The following CR2 variants were observed in gnomAD, a reference collection of about 807,000 sequenced individuals.
The protein encoded by CR2 is complement C3d receptor 2, also known as complement receptor type 2.
In CR2, 96 loss-of-function variants were observed where a neutral mutation model predicts 123.0. That is an observed-to-expected ratio of 0.78 (90% CI 0.66 to 0.93). The LOEUF is 0.93. Among genes scored for constraint, CR2 ranks in the 40% least tolerant of loss-of-function variants. The pLI, the probability that CR2 is intolerant of heterozygous loss-of-function variation, is 0.00. For synonymous variants in CR2, 484 were observed against 469.5 expected (o/e 1.03, Z -0.40); for missense variants, 1,258 against 1,361.0 (o/e 0.92, Z 1.19).
chr1:207,482,310 T>C (rs2102312899), intron 18 of CR2, among the ~76,000 whole-genome samples: 1 of 152,300 alleles, frequency 6.6e-6, no homozygotes, highest in South Asian at 2.1e-4. Context: ...CTGAATAGTC[T>C]CTTCCACTGA....
chr1:207,476,414 G>A lies in CR2; in HGVS notation c.2897G>A (p.Cys966Tyr). 1 of 1,613,094 alleles carries A rather than the reference G, an allele frequency of 6.2e-7. No homozygotes were observed. The highest frequency in any genetic ancestry group is 8.5e-7 in the Non-Finnish European group (1 of 1,179,692). Residue 966 changes from cysteine (C) to tyrosine (Y), a missense_variant, in exon 15 of 20, where the codon TGT becomes TAT. Transcript: ENST00000367057. Reference sequence around the variant, plus strand: ...ACCTGGAGCCAACCTGCCCCTCATTGTAAAGGTGCTTTGTCTATTTTTTAT... The same window carrying A: ...ACCTGGAGCCAACCTGCCCCTCATTATAAAGGTGCTTTGTCTATTTTTTAT... Reference protein sequence around the residue: ...EGTWSQPAPHCKEVNCSSPAD... With the variant: ...EGTWSQPAPHYKEVNCSSPAD...
chr1:207,475,770 T>C (rs993255434), intron 14 of CR2, among the ~76,000 whole-genome samples: 5 of 152,164 alleles, frequency 3.3e-5, no homozygotes, highest in African/African-American at 7.2e-5. Context: ...TTAAGATAAA[T>C]AGTGAGCTTG....
intron 15 of CR2, among the ~76,000 whole-genome samples, chr1:207,477,576 C>A (rs1193190074): frequency 6.6e-6 from 1 of 152,162 alleles, no homozygotes; most frequent in Non-Finnish European, 1.5e-5. Flanking sequence ...CAGAATACTT[C>A]ATAATATTAC....
chr1:207,478,914 A>C (rs985594373), intron 16 of CR2, among the ~76,000 whole-genome samples: 1 of 152,078 alleles, frequency 6.6e-6, no homozygotes, highest in Non-Finnish European at 1.5e-5. Context: ...GAGTTGCTAC[A>C]TAAGAAACAA....
At chr1:207,484,938 G>A (rs1191205243) in intron 18 of CR2, among the ~76,000 whole-genome samples, 4 of 152,124 alleles carry the variant, frequency 2.6e-5, no homozygotes, top group Admixed American at 6.5e-5. Flanking sequence ...GTCATTAAGC[G>A]TCCTGGATCC....
chr1:207,489,108 A>T (rs560300289), intron 19 of CR2, 34 bp from the exon 20 acceptor site: 1 of 152,372 alleles, frequency 6.6e-6, no homozygotes, highest in African/African-American at 2.4e-5. Flanking sequence ...GCTGCTATTC[A>T]TGCTGCCTCC....
At chr1:207,461,767 G>A (rs1010851483) in intron 1 of CR2, among the ~76,000 whole-genome samples, 2 of 152,134 alleles carry the variant, frequency 1.3e-5, no homozygotes, top group Non-Finnish European at 1.5e-5. Flanking sequence ...ATCTTCAAGT[G>A]GTCAGATGCT....
At chr1:207,459,142 A>G (rs311308) in intron 1 of CR2, among the ~76,000 whole-genome samples, 147,456 of 152,282 alleles carry the variant, frequency 0.97, 71,572 homozygotes, top group East Asian at 1. Context: ...AATAACAAGG[A>G]TGATGCCAGT....
At chr1:207,468,487 T>C (rs186581459) in intron 2 of CR2, 40 bp from the exon 3 acceptor site, 2 of 1,603,850 alleles carry the variant, frequency 1.2e-6, no homozygotes, top group African/African-American at 2.7e-5. Context: ...GAAGGATGCA[T>C]CATCTGACGG....
intron 16 of CR2, 54 bp downstream of exon 16, chr1:207,478,124 G>T (rs963052093): frequency 2.4e-5 from 37 of 1,568,994 alleles, no homozygotes; most frequent in Non-Finnish European, 3.1e-5. Flanking sequence ...AGAGAAGAGA[G>T]TGAGAGTTTC....
At chr1:207,458,437 C>T (rs576189999) in intron 1 of CR2, among the ~76,000 whole-genome samples, 11 of 152,152 alleles carry the variant, frequency 7.2e-5, no homozygotes, top group Non-Finnish European at 1.2e-4. Context: ...GGATAATATT[C>T]ACATATCTGT....
chr1:207,474,380 C>A (rs961166220), intron 13 of CR2, 57 bp downstream of exon 13: 1 of 1,281,280 alleles, frequency 7.8e-7, no homozygotes, highest in Non-Finnish European at 1.1e-6. Context: ...AGAGGGCAGG[C>A]CACTGAAGAA....
intron 1 of CR2, among the ~76,000 whole-genome samples, chr1:207,457,121 T>C (rs1050188595): frequency 6.6e-6 from 1 of 152,242 alleles, no homozygotes; most frequent in Non-Finnish European, 1.5e-5. Context: ...ACCTGTTTGT[T>C]GTTTGTTCCC....
chr1:207,471,042 A>AGCACCAATT lies in CR2; in HGVS notation c.1449_1457dup (p.Gln485_Phe486insLeuHisGln), dbSNP rs1318016674. The AGCACCAATT allele has an allele frequency of 1.9e-6, 3 of 1,613,676 alleles. No individual in the cohort carries two copies. Among genetic ancestry groups the AGCACCAATT allele is most frequent in the Admixed American group, 3.3e-5 (2 of 59,948 alleles). ...GGAAGGCAACTCTTGACAAAACCCC[A>AGCACCAATT]GCACCAATTTGTTAGACCAGATGTC... On this transcript the variant is annotated inframe_insertion, in exon 8 of 20. Transcript: ENST00000367057.
Position 207,479,935 on chromosome 1 carries a change from G to T in CR2, c.3113-43G>T, listed in dbSNP as rs528632064. The stretch of plus-strand genomic sequence containing the variant: ...TGCAATCAGTCAGAACAATGTAGGT[G>T]ATCGTCTTCTGGCATTTGATACTTG... On this transcript the variant is annotated intron_variant, in intron 17 of 19. Coordinates refer to ENST00000367057, the MANE Select transcript of CR2 (RefSeq NM_001006658.3). 7 of 1,431,836 alleles carry T rather than the reference G, an allele frequency of 4.9e-6. No individual in the cohort carries two copies. In the South Asian group the frequency reaches 8.0e-5, roughly 16 times the overall value. The allele number at this position is 1,431,836 out of a possible 1,614,324, so 88.7% of individuals were successfully genotyped here.
intron 9 of CR2, 76 bp from the exon 10 acceptor site, chr1:207,472,696 G>A (rs1339787055): frequency 1.4e-6 from 2 of 1,473,318 alleles, no homozygotes; most frequent in Admixed American, 3.4e-5. Flanking sequence ...TTCATAACCA[G>A]CTTCATTTGG....
At chr1:207,486,108 G>A (rs924184912) in intron 19 of CR2, among the ~76,000 whole-genome samples, 7 of 151,830 alleles carry the variant, frequency 4.6e-5, no homozygotes, top group African/African-American at 1.7e-4. Context: ...GTGTGCACCT[G>A]TGGTCCCAGC....
At chr1:207,487,348 G>A in intron 19 of CR2, among the ~76,000 whole-genome samples, 1 of 152,152 alleles carries the variant, frequency 6.6e-6, no homozygotes, top group Non-Finnish European at 1.5e-5. Flanking sequence ...GTGCAGTGGT[G>A]TGATCTCAGC....
At chr1:207,473,258 C>G in intron 10 of CR2, 79 bp downstream of exon 10, 2 of 1,536,968 alleles carry the variant, frequency 1.3e-6, no homozygotes, top group Non-Finnish European at 1.8e-6. Context: ...AAAACTGCAT[C>G]ATGGAAAGAG....
Sources: allele counts gnomAD v4.1 joint callset (sites outside exome capture counted in the v4.1 genomes callset), GRCh38; gene constraint gnomAD v4.1.1; transcripts MANE v1.5; gene names NCBI Gene and HGNC (gene_info 2026-07-23, HGNC 2026-07-21).